Variants in COQ7 observed in about 807,000 individuals in gnomAD.
COQ7 encodes NADPH-dependent 3-demethoxyubiquinone 3-hydroxylase, mitochondrial.
Under a neutral mutation model 25.0 loss-of-function variants are expected in COQ7, and 21 were observed. The observed-to-expected ratio is 0.84, with a 90% CI of 0.60 to 1.21. COQ7 has a LOEUF of 1.21. COQ7 is among the 50% of genes most tolerant of loss of function. The probability of loss-of-function intolerance (pLI) is 0.00; values close to 1 mark genes in which losing one functional copy is unlikely to be tolerated. For missense variants in COQ7, 311 were observed against 296.2 expected (o/e 1.05, Z -0.37); for synonymous variants, 125 against 112.4 (o/e 1.11, Z -0.71).
At chr16:19,071,375 A>C (rs540106203) in intron 1 of COQ7, among the ~76,000 whole-genome samples, 2 of 152,224 alleles carry the variant, frequency 1.3e-5, no homozygotes, top group South Asian at 4.1e-4. Context: ...ACCTCAGGTG[A>C]TCCATTCTCC....
chr16:19,071,472 C>T (rs1962553699), intron 1 of COQ7, among the ~76,000 whole-genome samples: 1 of 152,250 alleles, frequency 6.6e-6, no homozygotes, highest in South Asian at 2.1e-4. Context: ...CTGTGGTTCT[C>T]AGCCTTGGCT....
chr16:19,072,674 T>C (rs1401548783), intron 2 of COQ7, among the ~76,000 whole-genome samples: 2 of 152,224 alleles, frequency 1.3e-5, no homozygotes, highest in Non-Finnish European at 2.9e-5. Flanking sequence ...TTAAATGGCC[T>C]GCCCTGAACC....
chr16:19,077,187 A>C (rs1962892345), intron 4 of COQ7, 119 bp from the exon 5 acceptor site: 2 of 803,348 alleles, frequency 2.5e-6, no homozygotes, highest in East Asian at 5.0e-5. Context: ...CTGGCCCTTT[A>C]GAGGAAAAGC....
downstream of COQ7, among the ~76,000 whole-genome samples, chr16:19,082,475 G>A (rs1053979314): frequency 5.9e-5 from 9 of 151,610 alleles, no homozygotes; most frequent in Non-Finnish European, 8.8e-5. Context: ...TAGCCTGGGT[G>A]ACTTTGAGAA....
downstream of COQ7, among the ~76,000 whole-genome samples, chr16:19,082,627 T>G (rs1285105920): frequency 6.6e-6 from 1 of 152,022 alleles, no homozygotes; most frequent in East Asian, 1.9e-4. Context: ...CTACTAAAAC[T>G]ACAAAAATTA....
intron 3 of COQ7, 102 bp downstream of exon 3, chr16:19,074,137 T>C: frequency 1.3e-6 from 1 of 768,514 alleles, no homozygotes. Context: ...TCTTATGACC[T>C]CATTCTGTTT....
At chr16:19,074,152 C>A (rs1962710485) in intron 3 of COQ7, 117 bp downstream of exon 3, 3 of 662,312 alleles carry the variant, frequency 4.5e-6, no homozygotes, top group Non-Finnish European at 4.9e-6. Context: ...CTGTTTACTT[C>A]ATATTTTTCC....
At chr16:19,068,425 G>A (rs1466287389) in intron 1 of COQ7, 3 of 984,814 alleles carry the variant, frequency 3.0e-6, no homozygotes, top group Non-Finnish European at 3.6e-6. Context: ...GCCGAGGCTG[G>A]AGGATCCCCT....
chr16:19,077,417 T>G (rs1370909341), intron 5 of COQ7, 43 bp downstream of exon 5: 1 of 1,550,712 alleles, frequency 6.4e-7, no homozygotes, highest in East Asian at 2.2e-5. Context: ...GACTCCTTAT[T>G]TGGGAGGCTG....
Position 19,075,718 on chromosome 16 carries a change from C to T in COQ7, c.368-3C>T, listed in dbSNP as rs1962797967. The stretch of plus-strand genomic sequence containing the variant: ...TTTTCTGGTCTGGGTTTAACAATCC[C>T]AGGGGCGGGGACCGCCTTGCTCGGG... On this transcript the variant is annotated splice_region_variant and splice_polypyrimidine_tract_variant and intron_variant, in intron 3 of 5. Coordinates refer to ENST00000321998, the MANE Select transcript of COQ7 (RefSeq NM_016138.5). 2 of 1,563,410 alleles carry T rather than the reference C, an allele frequency of 1.3e-6. No individual in the cohort carries two copies. Among genetic ancestry groups the T allele is most frequent in the South Asian group, 1.2e-5 (1 of 82,190 alleles).
rs150938236 is a variant in COQ7, at chr16:19,072,005, C to T, written c.151C>T (p.Arg51Ter). ...CAATATCAGTCGGGCAGCTGTGGAT[C>T]GAATAATCCGGGTGGATCATGCAGG... ...LDNISRAAVD[R>*]IIRVDHAGEY... Residue 51 changes from arginine (R) to a stop codon, truncating the protein, a stop_gained, in exon 2 of 6, where the codon CGA (arginine) becomes TGA (stop). Coordinates refer to ENST00000321998, the MANE Select transcript of COQ7 (RefSeq NM_016138.5). LOFTEE classifies it high-confidence loss of function. 18 of 1,614,100 alleles carry T rather than the reference C, an allele frequency of 1.1e-5. No individual in the cohort carries two copies. The highest frequency in any genetic ancestry group is 1.7e-5 in the Admixed American group (1 of 60,002).
chr16:19,071,905 A>T (rs752206517), intron 1 of COQ7, 23 bp from the exon 2 acceptor site: 1 of 1,613,542 alleles, frequency 6.2e-7, no homozygotes, highest in South Asian at 1.1e-5. Context: ...GATCATAACG[A>T]AGAATAAACA....
At chr16:19,082,293 A>G (rs969214470), downstream of COQ7, among the ~76,000 whole-genome samples, 8 of 152,234 alleles carry the variant, frequency 5.3e-5, no homozygotes, top group African/African-American at 9.6e-5. Flanking sequence ...TTATTGAACA[A>G]CAATGTGAAT....
intron 1 of COQ7, among the ~76,000 whole-genome samples, chr16:19,069,735 TC>T (rs547491501): frequency 2.3e-4 from 35 of 151,136 alleles, no homozygotes; most frequent in Non-Finnish European, 1.2e-4. Flanking sequence ...GAAATGTCGA[TC>T]CTGATTTTCC....
chr16:19,071,676 T>C (rs941853230), intron 1 of COQ7: 2 of 488,500 alleles, frequency 4.1e-6, no homozygotes, highest in Admixed American at 6.8e-5. Context: ...GGTTGCCATG[T>C]TAACTGCCTG....
Position 19,075,731 on chromosome 16 carries a change from C to T in COQ7, c.378C>T (p.Thr126=), listed in dbSNP as rs374349720. The T allele has an allele frequency of 1.8e-5, 29 of 1,578,674 alleles. No homozygotes were observed. The highest frequency in any genetic ancestry group is 1.7e-4 in the Middle Eastern group (1 of 5,874). Residue 126 remains threonine, a synonymous_variant, in exon 4 of 6, where the codon ACC becomes ACT. Coordinates refer to ENST00000321998, the MANE Select transcript of COQ7 (RefSeq NM_016138.5). ...NVLGFALGAG[T]ALLGKEGAMA... Reference sequence around the variant, plus strand: ...GTTTAACAATCCCAGGGGCGGGGACCGCCTTGCTCGGGAAGGAAGGTGCCA... The same window carrying T: ...GTTTAACAATCCCAGGGGCGGGGACTGCCTTGCTCGGGAAGGAAGGTGCCA...
At chr16:19,080,674 A>G (rs1034291178), downstream of COQ7, among the ~76,000 whole-genome samples, 34 of 152,046 alleles carry the variant, frequency 2.2e-4, no homozygotes, top group African/African-American at 7.5e-4. Flanking sequence ...TAACATTAAT[A>G]TATATATTAA....
Position 19,077,602 on chromosome 16 carries a change from T to TTTTTTTTTTTTTTTTTTTTTTC in COQ7, c.576+230_576+231insTTTTTTTTTTTTTTTTTTTCTT, listed in dbSNP as rs1383551592. On this transcript the variant is annotated intron_variant, in intron 5 of 5. Transcript: ENST00000321998. ...TTTTCCCCAGAAGCTTTTTTTTTTT[T>TTTTTTTTTTTTTTTTTTTTTTC]TTCCCAGACACAGTCTCACTCTGTC... Among the ~76,000 whole-genome samples, 12 of 140,366 alleles carry TTTTTTTTTTTTTTTTTTTTTTC rather than the reference T, an allele frequency of 8.5e-5. 3 individuals carry two copies. The highest frequency in any genetic ancestry group is 1.4e-4 in the Non-Finnish European group (9 of 63,896). The allele number at this position is 140,366 out of a possible 152,430, so 92.1% of individuals were successfully genotyped here.
At position 19,071,915 on chromosome 16, in the gene COQ7, A is replaced by G. The variant is rs1377564626; in HGVS notation, c.74-13A>G. On this transcript the variant is annotated splice_polypyrimidine_tract_variant and intron_variant, in intron 1 of 5. Transcript: ENST00000321998. ...TACCTGATCATAACGAAGAATAAAC[A>G]CTTGCATTTCAGCTTATGGAAGAAG... The G allele has an allele frequency of 1.9e-6, 3 of 1,614,044 alleles. No individual in the cohort carries two copies. Among genetic ancestry groups the G allele is most frequent in the African/African-American group, 1.3e-5 (1 of 75,040 alleles).
Sources: gnomAD v4.1 joint callset for allele counts (sites outside exome capture counted in the v4.1 genomes callset) on GRCh38, gnomAD v4.1.1 for gene constraint, MANE v1.5 for transcripts, NCBI Gene and HGNC (gene_info 2026-07-23, HGNC 2026-07-21) for gene names.